Variants in IGBP1C observed in about 807,000 individuals in gnomAD.
The protein encoded by IGBP1C is IGBP1 family member C, also known as immunoglobulin-binding protein 1 family member C.
chr17:58,669,423 C>T, the IGBP1C span, among the ~76,000 whole-genome samples: 1 of 151,508 alleles, frequency 6.6e-6, no homozygotes, highest in African/African-American at 2.4e-5. Flanking sequence ...AGTCACCAGA[C>T]GATGGCTAAA....
At chr17:58,664,090 T>C in the IGBP1C span, among the ~76,000 whole-genome samples, 1 of 152,228 alleles carries the variant, frequency 6.6e-6, no homozygotes, top group Non-Finnish European at 1.5e-5. Context: ...CACTATTTAG[T>C]ACAATTGCTG....
At chr17:58,676,612 C>A in the IGBP1C span, among the ~76,000 whole-genome samples, 1 of 152,056 alleles carries the variant, frequency 6.6e-6, no homozygotes, top group Non-Finnish European at 1.5e-5. Flanking sequence ...ATGTCAGAAC[C>A]TAAAGGTGAT....
the IGBP1C span, among the ~76,000 whole-genome samples, chr17:58,664,505 A>G: frequency 6.6e-6 from 1 of 152,212 alleles, no homozygotes; most frequent in East Asian, 1.9e-4. Context: ...ACTGACAGCC[A>G]CTTAAATGTT....
At chr17:58,678,853 T>TAATAATAATAATAATAAA in the IGBP1C span, among the ~76,000 whole-genome samples, 67 of 146,790 alleles carry the variant, frequency 4.6e-4, no homozygotes, top group African/African-American at 1.6e-3. Context: ...ATAATAATAA[T>TAATAATAATAATAATAAA]AAAAGAGAAG....
the IGBP1C span, among the ~76,000 whole-genome samples, chr17:58,683,052 C>CAAAAAAAAAA: frequency 9.3e-5 from 5 of 54,018 alleles, no homozygotes; most frequent in Admixed American, 2.1e-4. Context: ...GAGTCTGTCT[C>CAAAAAAAAAA]AAAAAAAAAA....
the IGBP1C span, among the ~76,000 whole-genome samples, chr17:58,679,023 G>A: frequency 6.6e-6 from 1 of 151,762 alleles, no homozygotes; most frequent in Non-Finnish European, 1.5e-5. Context: ...GCGTGGTGGC[G>A]TGTGCCTGTA....
chr17:58,690,691 C>T, the IGBP1C span, among the ~76,000 whole-genome samples: 14 of 152,180 alleles, frequency 9.2e-5, no homozygotes, highest in Non-Finnish European at 1.8e-4. Context: ...AGAAGTTAAG[C>T]AATGGGTTGA....
the IGBP1C span, among the ~76,000 whole-genome samples, chr17:58,680,601 G>A: frequency 1.3e-5 from 2 of 151,922 alleles, no homozygotes; most frequent in Admixed American, 6.6e-5. Flanking sequence ...AATCAGCTGG[G>A]CATGGTGGCA....
At chr17:58,685,174 C>A in the IGBP1C span, among the ~76,000 whole-genome samples, 2 of 151,672 alleles carry the variant, frequency 1.3e-5, no homozygotes, top group African/African-American at 4.8e-5. Context: ...TTTTGAAGGA[C>A]CTGTTTTGAA....
the IGBP1C span, among the ~76,000 whole-genome samples, chr17:58,689,927 G>A: frequency 2.7e-4 from 40 of 149,336 alleles, no homozygotes; most frequent in Middle Eastern, 3.4e-3. Context: ...TAGGCTCACT[G>A]CAAGCTCCGC....
the IGBP1C span, among the ~76,000 whole-genome samples, chr17:58,685,144 A>G: frequency 5.1e-4 from 78 of 152,296 alleles, 2 homozygotes; most frequent in East Asian, 0.014. Context: ...CAAAAATTGA[A>G]TACATTAGAT....
chr17:58,688,480 A>G, the IGBP1C span, among the ~76,000 whole-genome samples: 1 of 152,210 alleles, frequency 6.6e-6, no homozygotes, highest in Non-Finnish European at 1.5e-5. Context: ...TAGGTATTCT[A>G]TAAGGATTTA....
At chr17:58,691,715 CT>C in the IGBP1C span, among the ~76,000 whole-genome samples, 1 of 151,790 alleles carries the variant, frequency 6.6e-6, no homozygotes, top group African/African-American at 2.4e-5. Flanking sequence ...AAGTTACCCC[CT>C]GCTAAATAAG....
chr17:58,680,328 C>T, the IGBP1C span, among the ~76,000 whole-genome samples: 1 of 152,200 alleles, frequency 6.6e-6, no homozygotes, highest in African/African-American at 2.4e-5. Context: ...AATCCAATCT[C>T]TGTATAGGTT....
chr17:58,665,997 C>T, the IGBP1C span, among the ~76,000 whole-genome samples: 14 of 149,956 alleles, frequency 9.3e-5, no homozygotes, highest in Admixed American at 2.7e-4. Flanking sequence ...TGCAGTGAGC[C>T]GAGATTGTGC....
At chr17:58,691,478 C>G in the IGBP1C span, among the ~76,000 whole-genome samples, 1 of 151,578 alleles carries the variant, frequency 6.6e-6, no homozygotes, top group Non-Finnish European at 1.5e-5. Flanking sequence ...ACCAGCCTGG[C>G]CAATATGGTG....
At chr17:58,674,635 A>G in the IGBP1C span, among the ~76,000 whole-genome samples, 17 of 152,124 alleles carry the variant, frequency 1.1e-4, no homozygotes, top group African/African-American at 4.1e-4. Context: ...CTGCCCCTGC[A>G]CTCCAGCCTG....
At chr17:58,661,838 G>A in the IGBP1C span, 7 of 456,852 alleles carry the variant, frequency 1.5e-5, no homozygotes, top group Non-Finnish European at 1.9e-5. Context: ...TCCTAAAATT[G>A]TAAAGTGGGA....
the IGBP1C span, among the ~76,000 whole-genome samples, chr17:58,668,437 T>C: frequency 6.6e-6 from 1 of 152,340 alleles, no homozygotes; most frequent in South Asian, 2.1e-4. Context: ...GTGGAGGAAG[T>C]AACTGGAGCC....
Sources: gnomAD v4.1 joint callset for allele counts (sites outside exome capture counted in the v4.1 genomes callset) on GRCh38, gnomAD v4.1.1 for gene constraint, MANE v1.5 for transcripts, NCBI Gene and HGNC (gene_info 2026-07-23, HGNC 2026-07-21) for gene names.